Variants in CPSF3 observed in about 807,000 individuals in gnomAD.
The protein encoded by CPSF3 is cleavage and polyadenylation specific factor 3.
Under a neutral mutation model 84.1 loss-of-function variants are expected in CPSF3, and 57 were observed. That is an observed-to-expected ratio of 0.68 (90% CI 0.55 to 0.85). The LOEUF (loss-of-function observed/expected upper bound fraction) is 0.85. Ranked by LOEUF, CPSF3 falls within the 40% of genes least tolerant of loss-of-function variation. CPSF3 has a pLI of 0.00. For missense variants in CPSF3, 522 were observed against 838.8 expected (o/e 0.62, Z 4.66); for synonymous variants, 275 against 278.1 (o/e 0.99, Z 0.11).
At chr2:9,459,766 C>T in intron 15 of CPSF3, 148 bp downstream of exon 15, 1 of 515,192 alleles carries the variant, frequency 1.9e-6, no homozygotes, top group South Asian at 2.2e-5. Flanking sequence ...TCTCCTGCCT[C>T]AGCCTCCCAA....
intron 1 of CPSF3, 41 bp from the exon 2 acceptor site, chr2:9,428,723 AT>A (rs757805833): frequency 8.3e-6 from 12 of 1,437,828 alleles, no homozygotes; most frequent in South Asian, 2.3e-5. Context: ...CTTGGTTTTG[AT>A]TTTTTTTAAT....
intron 10 of CPSF3, among the ~76,000 whole-genome samples, chr2:9,446,076 G>T (rs771749864): frequency 3.9e-4 from 60 of 152,206 alleles, no homozygotes; most frequent in Non-Finnish European, 7.3e-4. Flanking sequence ...CCAGGCCCAG[G>T]CCCTTCCCCA....
intron 11 of CPSF3, among the ~76,000 whole-genome samples, chr2:9,452,067 G>A (rs576606486): frequency 2.2e-4 from 33 of 152,216 alleles, no homozygotes; most frequent in East Asian, 5.8e-4. Context: ...CATGGCTCAC[G>A]CATGTAATTC....
intron 9 of CPSF3, 84 bp downstream of exon 9, chr2:9,442,060 T>A: frequency 7.3e-7 from 1 of 1,366,044 alleles, no homozygotes; most frequent in South Asian, 1.3e-5. Flanking sequence ...TGCACTGAAG[T>A]AGTTCTTCAA....
At position 9,456,982 on chromosome 2, in the gene CPSF3, CA is replaced by C; in HGVS notation, c.1658del (p.Asn553IlefsTer4). 6.2e-7 allele frequency: 1 copy of C among 1,601,824 alleles called. No homozygotes were observed. Among genetic ancestry groups the C allele is most frequent in the Non-Finnish European group, 8.5e-7 (1 of 1,173,352 alleles). ...AAGAAAAACCTGCTCTGAAAGTGTTCAAAAATATTACTGTAATACAAGAACC... is the reference window on the plus strand; with the variant it reads ...AAGAAAAACCTGCTCTGAAAGTGTTCAAAATATTACTGTAATACAAGAACC... ...IQEKPALKVF[K>X]NITVIQEPGM... On this transcript the variant is annotated frameshift_variant, in exon 14 of 18. Coordinates refer to ENST00000238112, the MANE Select transcript of CPSF3 (RefSeq NM_016207.4). LOFTEE classifies it high-confidence loss of function.
chr2:9,424,329 C>T (rs1362702077), intron 1 of CPSF3: 2 of 866,424 alleles, frequency 2.3e-6, no homozygotes, highest in South Asian at 5.2e-5. Flanking sequence ...ATCTTCTCAG[C>T]TCAGGCCCTA....
In CPSF3 at chr2:9,423,856, C is replaced by T. The variant is rs770141766; in HGVS notation, c.50+33C>T. 6 of 1,609,940 alleles carry T rather than the reference C, an allele frequency of 3.7e-6. No homozygotes were observed. In the East Asian group the frequency reaches 1.1e-4, roughly 30 times the overall value. On this transcript the variant is annotated intron_variant, in intron 1 of 17. Coordinates refer to ENST00000238112, the MANE Select transcript of CPSF3 (RefSeq NM_016207.4). The stretch of plus-strand genomic sequence containing the variant: ...ACCAGCGAGAGAGGGAATGAAGCCA[C>T]GGGCTGTGAGGGGCGCGAGGGGTAA...
chr2:9,459,112 C>CA (rs553161569), intron 14 of CPSF3, among the ~76,000 whole-genome samples: 150 of 135,458 alleles, frequency 1.1e-3, no homozygotes, highest in Middle Eastern at 7.8e-3. Flanking sequence ...AATTCCATCT[C>CA]AAAAAAAAAA....
chr2:9,443,621 A>C lies in CPSF3; in HGVS notation c.1202A>C (p.Gln401Pro). The C allele has an allele frequency of 6.2e-7, 1 of 1,614,190 alleles. No individual in the cohort carries two copies. ...ISFSAHTDYQ[Q>P]TSEFIRALKP... is the part of the protein sequence containing the mutation. ...TTCTCAGCTCACACGGATTACCAGC[A>C]AACCAGTGAATTTATTCGTGCTTTG... The change falls in exon 10 of 18, where the codon CAA becomes CCA. Residue 401 changes from glutamine (Q) to proline (P), a missense_variant. Gln to Pro is a moderately conservative substitution (Grantham distance 76, BLOSUM62 -1). Coordinates refer to ENST00000238112, the MANE Select transcript of CPSF3 (RefSeq NM_016207.4).
intron 11 of CPSF3, 117 bp downstream of exon 11, chr2:9,448,467 C>T (rs1681198146): frequency 1.2e-6 from 1 of 841,046 alleles, no homozygotes; most frequent in Non-Finnish European, 1.8e-6. Flanking sequence ...CTACTTGTTA[C>T]ACTACAGGAA....
chr2:9,437,750 C>T (rs545821331), intron 7 of CPSF3, among the ~76,000 whole-genome samples: 1 of 152,182 alleles, frequency 6.6e-6, no homozygotes, highest in African/African-American at 2.4e-5. Context: ...TCCCTAATTC[C>T]AGCACCTTGA....
intron 11 of CPSF3, among the ~76,000 whole-genome samples, chr2:9,449,425 C>T (rs1681241485): frequency 6.6e-6 from 1 of 151,452 alleles, no homozygotes; most frequent in Non-Finnish European, 1.5e-5. Flanking sequence ...GACTGTGTCT[C>T]AAAACAAACA....
chr2:9,439,166 A>T (rs1297712120), intron 7 of CPSF3, among the ~76,000 whole-genome samples: 1 of 152,250 alleles, frequency 6.6e-6, no homozygotes, highest in Non-Finnish European at 1.5e-5. Flanking sequence ...TATCATTGAT[A>T]CATCAAATGG....
At chr2:9,447,526 C>G in intron 10 of CPSF3, among the ~76,000 whole-genome samples, 1 of 152,062 alleles carries the variant, frequency 6.6e-6, no homozygotes, top group African/African-American at 2.4e-5. Flanking sequence ...TGGCTCAAGC[C>G]TGTAATCCCA....
intron 10 of CPSF3, among the ~76,000 whole-genome samples, chr2:9,446,047 C>T (rs1424747137): frequency 6.6e-6 from 1 of 152,200 alleles, no homozygotes; most frequent in East Asian, 1.9e-4. Context: ...GCAGCAGCAC[C>T]AGGATTCTGT....
chr2:9,463,445 G>A (rs553452201), intron 15 of CPSF3, among the ~76,000 whole-genome samples: 2 of 152,314 alleles, frequency 1.3e-5, no homozygotes, highest in South Asian at 2.1e-4. Context: ...AAAGCCAGCA[G>A]TATTTCCTGT....
intron 15 of CPSF3, among the ~76,000 whole-genome samples, 178 bp downstream of exon 15, chr2:9,459,796 C>G (rs528163405): frequency 2.0e-5 from 3 of 151,644 alleles, no homozygotes; most frequent in South Asian, 4.2e-4. Context: ...ATTATAGATG[C>G]CTGCCACCAC....
intron 7 of CPSF3, among the ~76,000 whole-genome samples, chr2:9,438,708 C>T (rs1237146797): frequency 1.3e-5 from 2 of 151,790 alleles, no homozygotes; most frequent in Non-Finnish European, 2.9e-5. Flanking sequence ...ATTGGCCAGG[C>T]TGGTCTCGTT....
chr2:9,449,343 T>C (rs1681236661), intron 11 of CPSF3, among the ~76,000 whole-genome samples: 1 of 152,054 alleles, frequency 6.6e-6, no homozygotes, highest in Admixed American at 6.6e-5. Flanking sequence ...TGAGCTGAGA[T>C]CGAACCTGAG....
Sources: gnomAD v4.1 joint callset for allele counts (sites outside exome capture counted in the v4.1 genomes callset) on GRCh38, gnomAD v4.1.1 for gene constraint, MANE v1.5 for transcripts, NCBI Gene and HGNC (gene_info 2026-07-23, HGNC 2026-07-21) for gene names.